Variants in CREBL2 observed in about 807,000 individuals in gnomAD.
CREBL2 encodes cAMP-responsive element-binding protein-like 2.
Under a neutral mutation model 19.5 loss-of-function variants are expected in CREBL2, and 4 were observed. The observed-to-expected ratio is 0.20, with a 90% CI of 0.10 to 0.47. The LOEUF (loss-of-function observed/expected upper bound fraction) is 0.47. CREBL2 is among the 20% of genes least tolerant of loss of function. The probability of loss-of-function intolerance (pLI) is 0.98; values close to 1 mark genes in which losing one functional copy is unlikely to be tolerated. For missense variants in CREBL2, 85 were observed against 145.1 expected (o/e 0.59, Z 2.13); for synonymous variants, 42 against 46.6 (o/e 0.90, Z 0.40).
chr12:12,644,110 A>G lies in CREBL2; in HGVS notation c.*2112A>G, dbSNP rs770039164. ...TTGAGCTTTCTCCCCTCCCGCTAGT[A>G]TCTTTACAGGAGCAGGGAAGAGCAG... is the stretch of plus-strand genomic sequence containing the variant. On this transcript the variant is annotated 3_prime_UTR_variant, in exon 4 of 4. Transcript: ENST00000228865. 7 of 152,620 alleles carry G rather than the reference A, an allele frequency of 4.6e-5. No individual in the cohort carries two copies. The allele number at this position is 152,620 out of a possible 1,614,324, so 9.5% of individuals were successfully genotyped here.
intron 1 of CREBL2, among the ~76,000 whole-genome samples, chr12:12,617,848 G>A (rs374882897): frequency 0.013 from 1,953 of 150,510 alleles, 33 homozygotes; most frequent in African/African-American, 0.042. Flanking sequence ...CTGGGTACTT[G>A]AGATTAGGGA....
chr12:12,615,998 T>C (rs1343067110), intron 1 of CREBL2: 2 of 152,266 alleles, frequency 1.3e-5, no homozygotes, highest in East Asian at 3.8e-4. Context: ...CTTTCAGTGT[T>C]AATTTTGAAA....
At chr12:12,619,726 G>T (rs1945346021) in intron 1 of CREBL2, among the ~76,000 whole-genome samples, 1 of 152,194 alleles carries the variant, frequency 6.6e-6, no homozygotes, top group Non-Finnish European at 1.5e-5. Flanking sequence ...TTTATTTTAT[G>T]TTGGACTTTA....
Position 12,611,967 on chromosome 12 carries a change from G to A in CREBL2, c.-206G>A. ...GGCGGCGGCGAAGGGAGGCGTTTGG[G>A]GCCGCCTCCAGGGTCCGCTCTGCCA... On this transcript the variant is annotated 5_prime_UTR_variant, in exon 1 of 4. Transcript: ENST00000228865. 1 of 606,542 alleles carries A rather than the reference G, an allele frequency of 1.6e-6. No individual in the cohort carries two copies. Among genetic ancestry groups the A allele is most frequent in the Non-Finnish European group, 2.8e-6 (1 of 350,888 alleles). The allele number at this position is 606,542 out of a possible 1,614,324, so 37.6% of individuals were successfully genotyped here. A position where few individuals can be genotyped will look rare whatever the true frequency, so the allele number is the denominator to read the frequency against.
At chr12:12,620,169 A>G (rs966507923) in intron 1 of CREBL2, among the ~76,000 whole-genome samples, 5 of 152,162 alleles carry the variant, frequency 3.3e-5, no homozygotes, top group African/African-American at 1.2e-4. Context: ...CCAAGACAAA[A>G]GAGCCATGTT....
At position 12,612,081 on chromosome 12, in the gene CREBL2, C is replaced by T. The variant is rs535226000; in HGVS notation, c.-92C>T. ...GAGGAGGCAGCCAGAACCATATCCCCTTCTTCCTCGGGGCGGGGGCCGGGC... is the reference window on the plus strand; with the variant it reads ...GAGGAGGCAGCCAGAACCATATCCCTTTCTTCCTCGGGGCGGGGGCCGGGC... On this transcript the variant is annotated 5_prime_UTR_variant, in exon 1 of 4. Coordinates refer to ENST00000228865, the MANE Select transcript of CREBL2 (RefSeq NM_001310.4). The T allele has an allele frequency of 2.7e-5, 41 of 1,518,298 alleles. No individual in the cohort carries two copies. The African/African-American group carries it at 5.3e-4, about 20-fold the overall frequency. The allele number at this position is 1,518,298 out of a possible 1,614,324, so 94.1% of individuals were successfully genotyped here.
chr12:12,637,924 C>T (rs913126810), intron 3 of CREBL2, among the ~76,000 whole-genome samples: 1 of 151,760 alleles, frequency 6.6e-6, no homozygotes, highest in African/African-American at 2.4e-5. Context: ...TGCCTGTAAT[C>T]CCAGCTATTT....
At chr12:12,630,828 A>G (rs1161847980) in intron 1 of CREBL2, among the ~76,000 whole-genome samples, 2 of 152,120 alleles carry the variant, frequency 1.3e-5, no homozygotes, top group Non-Finnish European at 2.9e-5. Flanking sequence ...GTATTTTTCT[A>G]ATTTCCCTTG....
intron 1 of CREBL2, chr12:12,614,679 T>C: frequency 3.5e-6 from 1 of 285,308 alleles, no homozygotes; most frequent in East Asian, 1.2e-4. Flanking sequence ...TTTCTGATCA[T>C]TTTCCTTCAC....
chr12:12,641,253 A>ATTTTTTTTTTTTTTTT (rs142404101), intron 3 of CREBL2, among the ~76,000 whole-genome samples: 9 of 78,240 alleles, frequency 1.2e-4, no homozygotes, highest in South Asian at 4.6e-4. Context: ...TATTATTATT[A>ATTTTTTTTTTTTTTTT]TTTTTTTTTA....
At chr12:12,618,132 C>A (rs181504090) in intron 1 of CREBL2, among the ~76,000 whole-genome samples, 3 of 152,312 alleles carry the variant, frequency 2.0e-5, no homozygotes, top group African/African-American at 7.2e-5. Context: ...CTTTTCTATT[C>A]GACAAAACTG....
rs1442855471 is a variant in CREBL2 at position 12,632,171 on chromosome 12, G to A, written c.16-3606G>A. On this transcript the variant is annotated intron_variant, in intron 1 of 3. Transcript: ENST00000228865. ...CGGCTCACTGCAAGCTCCGCCTCCC[G>A]GGTTCACGCCATTCTCCTGCCTCAG... Among the ~76,000 whole-genome samples, 67 of 130,278 alleles carry A rather than the reference G, an allele frequency of 5.1e-4. No homozygotes were observed. In the South Asian group the frequency reaches 7.1e-3, roughly 14 times the overall value. The allele number at this position is 130,278 out of a possible 152,430, so 85.5% of individuals were successfully genotyped here.
At chr12:12,627,241 G>T (rs1402513091) in intron 1 of CREBL2, among the ~76,000 whole-genome samples, 1 of 152,122 alleles carries the variant, frequency 6.6e-6, no homozygotes. Flanking sequence ...ACTAATGAAA[G>T]ATGTTAATAA....
In CREBL2 at chr12:12,641,333, A is replaced by C. The variant is rs180735544; in HGVS notation, c.359-661A>C. On this transcript the variant is annotated intron_variant, in intron 3 of 3. Coordinates refer to ENST00000228865, the MANE Select transcript of CREBL2 (RefSeq NM_001310.4). ...TTCAATATTTTTTTTTTTGAGAAGAAGTCTCGCTCTGTCACCCAGGCTGGA... is the reference window on the plus strand; with the variant it reads ...TTCAATATTTTTTTTTTTGAGAAGACGTCTCGCTCTGTCACCCAGGCTGGA... Among the ~76,000 whole-genome samples, 791 of 143,760 alleles carry C rather than the reference A, an allele frequency of 5.5e-3. 10 individuals are homozygous for C. The highest frequency in any genetic ancestry group is 0.019 in the African/African-American group (749 of 39,246). 94.3% of individuals were successfully genotyped at this position (143,760 alleles called of 152,430 possible).
At chr12:12,621,424 A>G (rs1271990771) in intron 1 of CREBL2, among the ~76,000 whole-genome samples, 1 of 150,926 alleles carries the variant, frequency 6.6e-6, no homozygotes, top group Non-Finnish European at 1.5e-5. Flanking sequence ...AGGCTGAGGC[A>G]GGAGAATTGC....
intron 1 of CREBL2, among the ~76,000 whole-genome samples, chr12:12,623,617 G>A (rs1227191511): frequency 1.3e-5 from 2 of 152,128 alleles, no homozygotes; most frequent in African/African-American, 4.8e-5. Context: ...TGATAGAGAG[G>A]GTGCCTGCTG....
At chr12:12,629,783 T>G (rs914627947) in intron 1 of CREBL2, among the ~76,000 whole-genome samples, 1 of 152,194 alleles carries the variant, frequency 6.6e-6, no homozygotes, top group Admixed American at 6.5e-5. Context: ...AGTTTCCTCC[T>G]ATTTCTAGGT....
intron 3 of CREBL2, among the ~76,000 whole-genome samples, chr12:12,641,327 A>G (rs1945520333): frequency 8.7e-6 from 1 of 115,126 alleles, no homozygotes; most frequent in Non-Finnish European, 1.8e-5. Context: ...TTTTTTTTTG[A>G]GAAGAAGTCT....
chr12:12,613,236 T>C (rs1945281778), intron 1 of CREBL2, among the ~76,000 whole-genome samples: 1 of 152,264 alleles, frequency 6.6e-6, no homozygotes, highest in Non-Finnish European at 1.5e-5. Context: ...ATAGGGATGG[T>C]CAAAGATTTG....
Sources: allele counts gnomAD v4.1 joint callset (sites outside exome capture counted in the v4.1 genomes callset), GRCh38; gene constraint gnomAD v4.1.1; transcripts MANE v1.5; gene names NCBI Gene and HGNC (gene_info 2026-07-23, HGNC 2026-07-21).